Variants in NRP2 observed in about 807,000 individuals in gnomAD.
NRP2 encodes the protein neuropilin 2.
NRP2 carries 52 observed loss-of-function variants against 110.4 expected under a neutral mutation model. The observed-to-expected ratio is 0.47, with a 90% CI of 0.38 to 0.59. NRP2 has a LOEUF of 0.59. Among genes scored for constraint, NRP2 ranks in the 20% least tolerant of loss-of-function variants. The pLI is 0.00. For missense variants in NRP2, 1,049 were observed against 1,203.0 expected, an observed-to-expected ratio of 0.87 and a Z score of 1.89; for synonymous variants, 508 against 468.9, an observed-to-expected ratio of 1.08 and a Z score of -1.08.
At position 205,795,744 on chromosome 2, in the gene NRP2, T is replaced by A. The variant is rs1182285505; in HGVS notation, c.*686T>A. 1 of 152,658 alleles carries A rather than the reference T, an allele frequency of 6.6e-6. No individual in the cohort carries two copies. Among genetic ancestry groups the A allele is most frequent in the African/African-American group, 2.4e-5 (1 of 41,456 alleles). The allele number at this position is 152,658 out of a possible 1,614,324, so 9.5% of individuals were successfully genotyped here. A position where few individuals can be genotyped will look rare whatever the true frequency, so the allele number is the denominator to read the frequency against. On this transcript the variant is annotated 3_prime_UTR_variant, in exon 17 of 17. Coordinates refer to ENST00000357785, the MANE Select transcript of NRP2 (RefSeq NM_003872.3). ...ATTTTAGGGTCAGCATGAACAGCTC[T>A]TTCTTGTATGCGATTTAAAACAAAC...
chr2:205,699,711 G>A (rs529436537), intron 2 of NRP2, among the ~76,000 whole-genome samples: 2 of 152,288 alleles, frequency 1.3e-5, no homozygotes, highest in Admixed American at 6.5e-5. Flanking sequence ...TGCTGGAGGT[G>A]GAGTAGGGGA....
At chr2:205,714,994 G>A (rs1049997377) in intron 2 of NRP2, among the ~76,000 whole-genome samples, 9 of 152,130 alleles carry the variant, frequency 5.9e-5, no homozygotes, top group African/African-American at 1.9e-4. Flanking sequence ...CTCCTTACCC[G>A]CAAGGAAGAG....
rs1316022149 is a variant in NRP2, at chr2:205,722,169, T to A, written c.434-309T>A. ...CCCTCTCTCTCTCTCTCTCTCTCTC[T>A]CATACACACACACACACACACACAC... is the stretch of plus-strand genomic sequence containing the variant. On this transcript the variant is annotated intron_variant, in intron 3 of 16. Transcript: ENST00000357785. The A allele has an allele frequency of 6.0e-3, 2,005 of 332,122 alleles. 28 individuals are homozygous for A. The highest frequency in any genetic ancestry group is 0.057 in the African/African-American group (1,863 of 32,726). 20.6% of individuals were successfully genotyped at this position (332,122 alleles called of 1,614,324 possible).
intron 10 of NRP2, among the ~76,000 whole-genome samples, chr2:205,746,171 T>G (rs556443166): frequency 5.3e-5 from 8 of 152,078 alleles, no homozygotes; most frequent in Non-Finnish European, 1.0e-4. Flanking sequence ...CCACCCAAAT[T>G]CAATTAGACC....
chr2:205,707,636 G>A (rs2056707893), intron 2 of NRP2, among the ~76,000 whole-genome samples: 1 of 152,198 alleles, frequency 6.6e-6, no homozygotes, highest in Non-Finnish European at 1.5e-5. Context: ...AAATGATATG[G>A]AGCCTAAATC....
chr2:205,723,756 A>T, intron 4 of NRP2, 29 bp from the exon 5 acceptor site: 3 of 1,613,550 alleles, frequency 1.9e-6, no homozygotes, highest in South Asian at 1.1e-5. Context: ...TTTGATTTCC[A>T]CTGACTTCTC....
chr2:205,731,407 C>T (rs866897085), intron 7 of NRP2, among the ~76,000 whole-genome samples: 4 of 152,106 alleles, frequency 2.6e-5, no homozygotes, highest in South Asian at 2.1e-4. Flanking sequence ...CCAAGAAGGG[C>T]GCATGGAGAG....
At chr2:205,757,376 G>C (rs1051301714) in intron 12 of NRP2, among the ~76,000 whole-genome samples, 5 of 152,094 alleles carry the variant, frequency 3.3e-5, no homozygotes, top group Non-Finnish European at 7.3e-5. Flanking sequence ...GATGCAGACT[G>C]AGCCATTGAA....
intron 1 of NRP2, among the ~76,000 whole-genome samples, chr2:205,684,870 T>G (rs866976775): frequency 6.6e-6 from 1 of 152,224 alleles, no homozygotes; most frequent in African/African-American, 2.4e-5. Flanking sequence ...TGTGTGTGTG[T>G]GCACACGCGC....
At position 205,728,040 on chromosome 2, in the gene NRP2, C is replaced by A; in HGVS notation, c.1140C>A (p.Asn380Lys). The change falls in exon 7 of 17, where the codon AAC becomes AAA. Residue 380 changes from asparagine to lysine, a missense_variant. By Grantham distance (94) the Asn-to-Lys change is moderately conservative. Transcript: ENST00000357785. Reference protein sequence around the residue: ...EDWMVYRHGKNHKVFQANNDA... With the variant: ...EDWMVYRHGKKHKVFQANNDA... ...GGATGGTGTACCGGCATGGCAAAAA[C>A]CACAAGGTAAATCCATGATCCTACC... 1 of 1,614,134 alleles carries A rather than the reference C, an allele frequency of 6.2e-7. No homozygotes were observed. Among genetic ancestry groups the A allele is most frequent in the Non-Finnish European group, 8.5e-7 (1 of 1,180,044 alleles).
intron 15 of NRP2, chr2:205,776,790 A>G (rs1457621688): frequency 7.3e-7 from 1 of 1,366,678 alleles, no homozygotes; most frequent in Non-Finnish European, 9.5e-7. Context: ...GAAGAGATCC[A>G]CCCCCAAGCA....
chr2:205,727,964 G>A lies in NRP2; in HGVS notation c.1064G>A (p.Gly355Asp), dbSNP rs756674235. ...GCGATTTCCAGGGAAACACAGAATG[G>A]CTACTATGTCAAATCCTACAAGCTG... ...QGAISRETQN[G>D]YYVKSYKLEV... The change falls in exon 7 of 17, where the codon GGC becomes GAC. Residue 355 changes from glycine to aspartate, a missense_variant. Physicochemically the swap from Gly to Asp is moderately conservative, Grantham distance 94. Transcript: ENST00000357785. 1.2e-6 allele frequency: 2 copies of A among 1,614,150 alleles called. No homozygotes were observed. The highest frequency in any genetic ancestry group is 1.7e-6 in the Non-Finnish European group (2 of 1,180,028).
intron 2 of NRP2, among the ~76,000 whole-genome samples, chr2:205,705,821 T>C (rs2056663327): frequency 6.6e-6 from 1 of 152,112 alleles, no homozygotes; most frequent in African/African-American, 2.4e-5. Flanking sequence ...GGAGCTGTCA[T>C]CTGCTGTCCC....
intron 1 of NRP2, among the ~76,000 whole-genome samples, chr2:205,695,619 G>A (rs1044527913): frequency 2.6e-5 from 4 of 152,194 alleles, no homozygotes; most frequent in Non-Finnish European, 5.9e-5. Context: ...GTGGTTTGGG[G>A]TGAGTTGGTG....
chr2:205,696,345 C>G (rs996125704), intron 1 of NRP2, among the ~76,000 whole-genome samples: 1 of 152,134 alleles, frequency 6.6e-6, no homozygotes, highest in East Asian at 1.9e-4. Context: ...GCTGCTGAGT[C>G]GTAATACATA....
At chr2:205,692,681 A>G (rs1036660760) in intron 1 of NRP2, among the ~76,000 whole-genome samples, 2 of 152,210 alleles carry the variant, frequency 1.3e-5, no homozygotes, top group African/African-American at 4.8e-5. Flanking sequence ...CCGTAATGCA[A>G]GACAGACATG....
At chr2:205,727,850 T>C (rs763034954) in intron 6 of NRP2, 41 bp from the exon 7 acceptor site, 1 of 1,590,828 alleles carries the variant, frequency 6.3e-7, no homozygotes, top group Non-Finnish European at 8.6e-7. Flanking sequence ...CTGCCCTGTG[T>C]TGGGAATGGT....
chr2:205,779,212 G>A (rs570843911), intron 15 of NRP2: 2 of 152,316 alleles, frequency 1.3e-5, no homozygotes, highest in Admixed American at 1.3e-4. Context: ...CTTAGTAGAG[G>A]TTTTATGTCA....
chr2:205,691,990 C>T (rs1338620279), intron 1 of NRP2, among the ~76,000 whole-genome samples: 1 of 152,078 alleles, frequency 6.6e-6, no homozygotes, highest in African/African-American at 2.4e-5. Context: ...ATTTCCAGAC[C>T]CAATTTCCAG....
Sources: allele counts gnomAD v4.1 joint callset (sites outside exome capture counted in the v4.1 genomes callset), GRCh38; gene constraint gnomAD v4.1.1; transcripts MANE v1.5; gene names NCBI Gene and HGNC (gene_info 2026-07-23, HGNC 2026-07-21).